Variants in SMYD3 observed in about 807,000 individuals in gnomAD.
SMYD3 encodes the protein SET and MYND domain containing 3.
Under a neutral mutation model 57.7 loss-of-function variants are expected in SMYD3, and 36 were observed. The ratio of observed to expected loss-of-function variants is 0.62; its 90% CI spans 0.48 to 0.82. The LOEUF (loss-of-function observed/expected upper bound fraction) is 0.82. Ranked by LOEUF, SMYD3 falls within the 40% of genes least tolerant of loss-of-function variation. The pLI is 0.00. For missense variants in SMYD3, 515 were observed against 538.8 expected (o/e 0.96, Z 0.44); for synonymous variants, 211 against 195.0 (o/e 1.08, Z -0.68).
intron 5 of SMYD3, among the ~76,000 whole-genome samples, chr1:245,996,974 G>C (rs2058942477): frequency 6.6e-6 from 1 of 152,214 alleles, no homozygotes; most frequent in South Asian, 2.1e-4. Flanking sequence ...TTATGAATTG[G>C]CACTGAGGCG....
At chr1:246,444,376 G>T (rs529907544) in intron 1 of SMYD3, among the ~76,000 whole-genome samples, 3 of 152,028 alleles carry the variant, frequency 2.0e-5, no homozygotes, top group Admixed American at 1.3e-4. Flanking sequence ...CACCCGCCTC[G>T]GCCTCCCAAA....
At chr1:246,353,118 T>C (rs1448557987) in intron 2 of SMYD3, among the ~76,000 whole-genome samples, 2 of 152,364 alleles carry the variant, frequency 1.3e-5, no homozygotes, top group Non-Finnish European at 2.9e-5. Flanking sequence ...GTTACTCTTG[T>C]TGGTAACAAT....
Position 245,927,964 on chromosome 1 carries a change from C to A in SMYD3, c.669G>T (p.Leu223=). The change falls in exon 7 of 12, where the codon CTG becomes CTT. Residue 223 remains leucine, a synonymous_variant. Coordinates refer to ENST00000490107, the MANE Select transcript of SMYD3 (RefSeq NM_001167740.2). ...SIVFNGPHLL[L]RAVRDIEVGE... is the part of the protein sequence containing the mutation. ...CCACCTCGATGTCTCGGACTGCTCGCAGTAAGAGGTGGGGCCCATTGAACA... is the reference window on the plus strand; with the variant it reads ...CCACCTCGATGTCTCGGACTGCTCGAAGTAAGAGGTGGGGCCCATTGAACA... The A allele has an allele frequency of 6.2e-7, 1 of 1,612,608 alleles. No individual in the cohort carries two copies. The highest frequency in any genetic ancestry group is 8.5e-7 in the Non-Finnish European group (1 of 1,179,248).
chr1:246,270,152 A>C (rs556130271), intron 5 of SMYD3, among the ~76,000 whole-genome samples: 2 of 152,320 alleles, frequency 1.3e-5, no homozygotes, highest in African/African-American at 4.8e-5. Flanking sequence ...ATAGGAAGAC[A>C]GTGATAGAAT....
chr1:246,242,030 C>T (rs1458114339), intron 5 of SMYD3, among the ~76,000 whole-genome samples: 1 of 151,878 alleles, frequency 6.6e-6, no homozygotes, highest in African/African-American at 2.4e-5. Flanking sequence ...TTGATCTTTC[C>T]AAAAAACCGG....
intron 10 of SMYD3, among the ~76,000 whole-genome samples, chr1:245,847,758 C>A (rs1414860172): frequency 6.6e-6 from 1 of 152,102 alleles, no homozygotes; most frequent in Non-Finnish European, 1.5e-5. Context: ...TAATAAGAAA[C>A]TGAAAATTTT....
chr1:246,201,411 G>A lies in SMYD3; in HGVS notation c.531+125790C>T, dbSNP rs115501868. Reference sequence around the variant, plus strand: ...TCTCTCTGGATCAGCTTAAGCACACGCATGCTATTTTGTTTATTATTTGGG... The same window carrying A: ...TCTCTCTGGATCAGCTTAAGCACACACATGCTATTTTGTTTATTATTTGGG... On this transcript the variant is annotated intron_variant, in intron 5 of 11. Transcript: ENST00000490107. Among the ~76,000 whole-genome samples, 606 of 152,290 alleles carry A rather than the reference G, an allele frequency of 4.0e-3. 2 individuals are homozygous for A. Among genetic ancestry groups the A allele is most frequent in the Non-Finnish European group, 6.7e-3 (454 of 68,016 alleles).
chr1:246,190,547 T>C (rs1341943882), intron 5 of SMYD3, among the ~76,000 whole-genome samples: 2 of 132,158 alleles, frequency 1.5e-5, no homozygotes, highest in Non-Finnish European at 3.1e-5. Flanking sequence ...ATCGTGCCAT[T>C]GCACTCCAAC....
chr1:246,371,239 C>T (rs2066187632), intron 1 of SMYD3, among the ~76,000 whole-genome samples: 1 of 152,140 alleles, frequency 6.6e-6, no homozygotes, highest in Non-Finnish European at 1.5e-5. Context: ...ACTCGGACAG[C>T]TAATCATTGG....
At chr1:246,193,778 C>T (rs987411888) in intron 5 of SMYD3, 9 of 152,270 alleles carry the variant, frequency 5.9e-5, no homozygotes, top group African/African-American at 1.2e-4. Flanking sequence ...TCTTCCGAGC[C>T]GCAGACGGCT....
chr1:246,047,695 C>T (rs949876595), intron 5 of SMYD3, among the ~76,000 whole-genome samples: 1 of 151,958 alleles, frequency 6.6e-6, no homozygotes, highest in African/African-American at 2.4e-5. Flanking sequence ...AAAAATCAGC[C>T]AGGCATGGTG....
At chr1:246,465,588 C>T (rs2067870570) in intron 1 of SMYD3, among the ~76,000 whole-genome samples, 1 of 152,116 alleles carries the variant, frequency 6.6e-6, no homozygotes, top group South Asian at 2.1e-4. Context: ...AATCCCAACA[C>T]TTTGGGAGGC....
chr1:245,756,764 G>A (rs2045621935), intron 11 of SMYD3, among the ~76,000 whole-genome samples: 1 of 149,304 alleles, frequency 6.7e-6, no homozygotes, highest in African/African-American at 2.5e-5. Flanking sequence ...TTCCTGTACA[G>A]GTAAGTTGTC....
intron 5 of SMYD3, among the ~76,000 whole-genome samples, chr1:246,094,961 G>T (rs555173233): frequency 2.0e-5 from 3 of 151,966 alleles, no homozygotes; most frequent in Non-Finnish European, 4.4e-5. Flanking sequence ...GGCAAGCCCC[G>T]CATTGGTATC....
At chr1:246,106,400 C>T (rs1403743346) in intron 5 of SMYD3, among the ~76,000 whole-genome samples, 2 of 152,146 alleles carry the variant, frequency 1.3e-5, no homozygotes, top group African/African-American at 2.4e-5. Flanking sequence ...TAAAGATAGT[C>T]CCAAAACTGA....
intron 5 of SMYD3, among the ~76,000 whole-genome samples, chr1:246,050,764 G>A (rs2060053053): frequency 6.6e-6 from 1 of 152,170 alleles, no homozygotes; most frequent in Non-Finnish European, 1.5e-5. Context: ...AACAAGCTGG[G>A]AGGTAGCGAG....
At chr1:246,364,293 G>C (rs2066061421) in intron 1 of SMYD3, among the ~76,000 whole-genome samples, 1 of 150,996 alleles carries the variant, frequency 6.6e-6, no homozygotes, top group African/African-American at 2.4e-5. Flanking sequence ...ACAGTGACAA[G>C]GATCAGACGG....
intron 5 of SMYD3, among the ~76,000 whole-genome samples, chr1:245,937,675 T>G (rs545833385): frequency 9.2e-5 from 14 of 152,378 alleles, no homozygotes; most frequent in African/African-American, 3.4e-4. Flanking sequence ...CCAATTTCAT[T>G]TAGATGTGCT....
intron 1 of SMYD3, among the ~76,000 whole-genome samples, chr1:246,467,847 GC>G (rs1398700539): frequency 6.6e-6 from 1 of 152,072 alleles, no homozygotes; most frequent in Non-Finnish European, 1.5e-5. Flanking sequence ...TAACATAGAG[GC>G]AAAAATCCTC....
Sources: allele counts gnomAD v4.1 joint callset (sites outside exome capture counted in the v4.1 genomes callset), GRCh38; gene constraint gnomAD v4.1.1; transcripts MANE v1.5; gene names NCBI Gene and HGNC (gene_info 2026-07-23, HGNC 2026-07-21).